NHSL3: variants seen among roughly 807,000 people sequenced by gnomAD.
The protein encoded by NHSL3 is NHS-like protein 3.
chr1:32,774,189 T>C, the NHSL3 span: 1 of 152,632 alleles, frequency 6.6e-6, no homozygotes, highest in African/African-American at 2.4e-5. Context: ...GCTTCTTTCT[T>C]GATCCTCTTT....
the NHSL3 span, chr1:32,765,608 T>A: frequency 6.6e-7 from 1 of 1,511,586 alleles, no homozygotes; most frequent in East Asian, 2.5e-5. Context: ...GAGGAGGACA[T>A]GGAGAGCAGC....
At chr1:32,756,613 T>A in the NHSL3 span, among the ~76,000 whole-genome samples, 1 of 130,906 alleles carries the variant, frequency 7.6e-6, no homozygotes, top group East Asian at 2.3e-4. Flanking sequence ...GAGCCGATCG[T>A]GCCAGTGCAC....
the NHSL3 span, chr1:32,770,021 A>T: frequency 6.3e-7 from 1 of 1,595,280 alleles, no homozygotes; most frequent in Non-Finnish European, 8.5e-7. The surrounding 1 kb of genome is among the most constrained non-coding windows in gnomAD (Gnocchi z 8.3). Flanking sequence ...CTGGAGGCGG[A>T]GGCGGAGGCT....
chr1:32,754,873 T>C, the NHSL3 span, among the ~76,000 whole-genome samples: 2 of 152,078 alleles, frequency 1.3e-5, no homozygotes, highest in African/African-American at 4.8e-5. Context: ...GGACTGGTTT[T>C]CTTGGCTCCC....
At chr1:32,761,340 A>G in the NHSL3 span, among the ~76,000 whole-genome samples, 2 of 152,230 alleles carry the variant, frequency 1.3e-5, no homozygotes, top group East Asian at 3.9e-4. Context: ...AGAGGCTGCG[A>G]GCTCTGACTT....
chr1:32,767,301 G>C, the NHSL3 span, among the ~76,000 whole-genome samples: 1 of 152,158 alleles, frequency 6.6e-6, no homozygotes, highest in South Asian at 2.1e-4. Context: ...GTGGGGCTCT[G>C]AGTGACGTGT....
the NHSL3 span, chr1:32,772,822 C>T: frequency 6.2e-7 from 1 of 1,606,840 alleles, no homozygotes; most frequent in Non-Finnish European, 8.5e-7. Flanking sequence ...CAGAACCAAG[C>T]CAGGAGGCCC....
At chr1:32,757,272 G>C in the NHSL3 span, among the ~76,000 whole-genome samples, 1 of 152,164 alleles carries the variant, frequency 6.6e-6, no homozygotes, top group East Asian at 1.9e-4. Context: ...GGGAGCCAGT[G>C]AAGGTGTTTG....
the NHSL3 span, chr1:32,771,234 T>G: frequency 6.2e-7 from 1 of 1,607,688 alleles, no homozygotes; most frequent in Non-Finnish European, 8.5e-7. Flanking sequence ...CAGCTGCCCC[T>G]GCTCTAGCCG....
At chr1:32,771,683 C>T in the NHSL3 span, 19 of 1,611,520 alleles carry the variant, frequency 1.2e-5, no homozygotes, top group Non-Finnish European at 1.6e-5. Context: ...AGCCCAGACC[C>T]TCCTCCAGCT....
At chr1:32,772,802 C>G in the NHSL3 span, 60 of 1,500,850 alleles carry the variant, frequency 4.0e-5, no homozygotes, top group East Asian at 1.2e-3. Context: ...CTTTGTTGGG[C>G]TCCTAGTGCC....
At chr1:32,769,567 C>A in the NHSL3 span, 1 of 897,008 alleles carries the variant, frequency 1.1e-6, no homozygotes. Context: ...ACCTACTTGA[C>A]TGTGGAAACC....
At chr1:32,757,150 A>G in the NHSL3 span, among the ~76,000 whole-genome samples, 2 of 152,204 alleles carry the variant, frequency 1.3e-5, no homozygotes, top group Non-Finnish European at 2.9e-5. Flanking sequence ...TGGGGACTGG[A>G]GCTTGAGTAT....
chr1:32,772,099 T>C, the NHSL3 span: 1 of 1,613,238 alleles, frequency 6.2e-7, no homozygotes, highest in Non-Finnish European at 8.5e-7. Flanking sequence ...CAGTTTCATC[T>C]TCTCCAAGGG....
the NHSL3 span, among the ~76,000 whole-genome samples, chr1:32,743,773 C>T: frequency 1.6e-4 from 25 of 152,274 alleles, no homozygotes; most frequent in South Asian, 4.1e-3. Context: ...GGTCAGTGGC[C>T]AGGCCTCCCT....
chr1:32,752,009 A>C, the NHSL3 span, among the ~76,000 whole-genome samples: 1 of 152,160 alleles, frequency 6.6e-6, no homozygotes, highest in Non-Finnish European at 1.5e-5. Context: ...CTACTCCCCC[A>C]TACTAACTGT....
the NHSL3 span, chr1:32,771,141 G>T: frequency 6.2e-7 from 1 of 1,612,222 alleles, no homozygotes; most frequent in East Asian, 2.2e-5. Context: ...TGACCCCCCT[G>T]GGTGACAGGT....
the NHSL3 span, among the ~76,000 whole-genome samples, chr1:32,753,174 G>T: frequency 6.6e-6 from 1 of 151,152 alleles, no homozygotes; most frequent in Non-Finnish European, 1.5e-5. Context: ...TCACCATGTT[G>T]GCCAGGCTGG....
the NHSL3 span, chr1:32,742,011 CG>C: frequency 8.2e-7 from 1 of 1,226,096 alleles, no homozygotes; most frequent in Non-Finnish European, 1.0e-6. Context: ...GGAACCCGGG[CG>C]GCCCCCCGCG....
Sources: gnomAD v4.1 joint callset for allele counts (sites outside exome capture counted in the v4.1 genomes callset) on GRCh38, gnomAD v4.1.1 for gene constraint, Gnocchi (gnomAD v3.1) non-coding constraint, MANE v1.5 for transcripts, NCBI Gene and HGNC (gene_info 2026-07-23, HGNC 2026-07-21) for gene names.